The following GRM3 variants were observed in gnomAD, a reference collection of about 807,000 sequenced individuals.
GRM3 encodes glutamate metabotropic receptor 3.
In GRM3, 26 loss-of-function variants were observed where a neutral mutation model predicts 70.5. The observed-to-expected ratio is 0.37, with a 90% CI of 0.27 to 0.51. The LOEUF is 0.51. GRM3 is among the 20% of genes least tolerant of loss of function. The pLI is 0.93. For synonymous variants in GRM3, 443 were observed against 434.9 expected (o/e 1.02, Z -0.23); for missense variants, 859 against 1,123.8 (o/e 0.76, Z 3.37).
intron 5 of GRM3, among the ~76,000 whole-genome samples, chr7:86,852,274 G>C (rs573463871): frequency 1.3e-5 from 2 of 152,082 alleles, no homozygotes; most frequent in South Asian, 4.1e-4. Flanking sequence ...CTTGTTATTA[G>C]AACAATTTAG....
At chr7:86,715,308 T>C (rs1184834376) in intron 1 of GRM3, among the ~76,000 whole-genome samples, 1 of 152,036 alleles carries the variant, frequency 6.6e-6, no homozygotes, top group Non-Finnish European at 1.5e-5. Flanking sequence ...TAGCAGAGAA[T>C]AGTGCAAAGA....
intron 1 of GRM3, among the ~76,000 whole-genome samples, chr7:86,726,151 A>C (rs563639221): frequency 6.6e-6 from 1 of 152,278 alleles, no homozygotes; most frequent in East Asian, 1.9e-4. Context: ...CACTCTTTTT[A>C]CTAATTGCAT....
Position 86,841,938 on chromosome 7 carries a change from T to C in GRM3, c.2391+2033T>C, listed in dbSNP as rs564984166. On this transcript the variant is annotated intron_variant, in intron 4 of 5. Transcript: ENST00000361669. ...TAGAGTTTTTTAAGGTCCGTGATAA[T>C]TAAGGTATCCAGTGATGCTAAGATC... Among the ~76,000 whole-genome samples the C allele has an allele frequency of 5.9e-5, 9 of 152,264 alleles. No individual in the cohort carries two copies. The East Asian group carries it at 9.6e-4, about 16-fold the overall frequency.
At chr7:86,854,724 G>A (rs796881196) in intron 5 of GRM3, among the ~76,000 whole-genome samples, 35 of 152,262 alleles carry the variant, frequency 2.3e-4, no homozygotes, top group African/African-American at 7.0e-4. Context: ...TTCAATAGAA[G>A]TGGTCCAAAG....
At chr7:86,863,567 A>T (rs1798998812) in intron 5 of GRM3, among the ~76,000 whole-genome samples, 1 of 152,182 alleles carries the variant, frequency 6.6e-6, no homozygotes, top group Admixed American at 6.5e-5. Context: ...TGAAGCTCTT[A>T]GCAACCCAGC....
In GRM3 at chr7:86,716,749, C is replaced by A. The variant is rs1396591652; in HGVS notation, c.-140-48257C>A. 3.3e-5 allele frequency among the ~76,000 whole-genome samples: 5 copies of A among 151,556 alleles called. No individual in the cohort carries two copies. The East Asian group carries it at 9.7e-4, about 29-fold the overall frequency. ...ACAGAATTATAAGCCCAATTTGAGG[C>A]TTATAATTTACATAAGATTATAAGA... On this transcript the variant is annotated intron_variant, in intron 1 of 5. Coordinates refer to ENST00000361669, the MANE Select transcript of GRM3 (RefSeq NM_000840.3).
At chr7:86,855,034 C>T (rs901122721) in intron 5 of GRM3, among the ~76,000 whole-genome samples, 1 of 152,182 alleles carries the variant, frequency 6.6e-6, no homozygotes, top group Non-Finnish European at 1.5e-5. Flanking sequence ...GTATAACTCA[C>T]AGACCTTGAA....
intron 2 of GRM3, among the ~76,000 whole-genome samples, chr7:86,767,244 T>C (rs974156960): frequency 1.3e-5 from 2 of 151,782 alleles, no homozygotes; most frequent in Non-Finnish European, 2.9e-5. Flanking sequence ...GATAAATATA[T>C]AGATAGATAC....
intron 1 of GRM3, among the ~76,000 whole-genome samples, chr7:86,696,854 A>C (rs1794830343): frequency 6.6e-6 from 1 of 152,160 alleles, no homozygotes. Flanking sequence ...AGATGAGACA[A>C]CTAAGACCAA....
chr7:86,805,012 G>T (rs911357180), intron 3 of GRM3, among the ~76,000 whole-genome samples: 3 of 152,118 alleles, frequency 2.0e-5, no homozygotes, highest in Non-Finnish European at 2.9e-5. Flanking sequence ...TACCTGGGAG[G>T]TTGAGGTGGG....
intron 3 of GRM3, among the ~76,000 whole-genome samples, chr7:86,836,730 A>G (rs1798464546): frequency 1.3e-5 from 2 of 152,172 alleles, no homozygotes; most frequent in South Asian, 2.1e-4. Context: ...ATTATCACTA[A>G]CACATATGTT....
At position 86,645,080 on chromosome 7, in the gene GRM3, T is replaced by C. The variant is rs1358217598; in HGVS notation, c.-141+208T>C. The C allele has an allele frequency of 3.2e-5, 11 of 347,112 alleles. No individual in the cohort carries two copies. The East Asian group carries it at 6.4e-4, about 20-fold the overall frequency. 21.5% of individuals were successfully genotyped at this position (347,112 alleles called of 1,614,324 possible). On this transcript the variant is annotated intron_variant, in intron 1 of 5. Transcript: ENST00000361669. ...GTTTGTGTGTGTGCGCCCACGTCTG[T>C]GTCTGGGAGGAGGGAGATTTCAGGG...
intron 2 of GRM3, chr7:86,775,310 G>A (rs1796857613): frequency 6.6e-6 from 1 of 152,034 alleles, no homozygotes; most frequent in Non-Finnish European, 1.5e-5. Context: ...AAAAACACAA[G>A]TACTTAGGTA....
At chr7:86,788,816 T>G (rs1244027223) in intron 3 of GRM3, among the ~76,000 whole-genome samples, 2 of 152,238 alleles carry the variant, frequency 1.3e-5, no homozygotes, top group African/African-American at 4.8e-5. Context: ...TATTTATCTT[T>G]ACTCACCACA....
At chr7:86,737,672 G>A (rs1235652661) in intron 1 of GRM3, among the ~76,000 whole-genome samples, 1 of 152,118 alleles carries the variant, frequency 6.6e-6, no homozygotes, top group Non-Finnish European at 1.5e-5. Flanking sequence ...ATTATTGTTT[G>A]CCACACATCC....
intron 3 of GRM3, among the ~76,000 whole-genome samples, chr7:86,805,705 C>A (rs1374814405): frequency 6.6e-6 from 1 of 152,072 alleles, no homozygotes; most frequent in Non-Finnish European, 1.5e-5. Context: ...TTCAAGTTTG[C>A]TTCTTTCAAT....
At chr7:86,684,651 T>C (rs1053575029) in intron 1 of GRM3, among the ~76,000 whole-genome samples, 1 of 152,328 alleles carries the variant, frequency 6.6e-6, no homozygotes, top group South Asian at 2.1e-4. Flanking sequence ...AAGAATATAT[T>C]GTAAAGTGAA....
At position 86,644,730 on chromosome 7, in the gene GRM3, A is replaced by G. The variant is rs1370527198; in HGVS notation, c.-283A>G. 3.4e-6 allele frequency: 4 copies of G among 1,183,330 alleles called. No individual in the cohort carries two copies. In the Admixed American group the frequency reaches 9.2e-5, roughly 27 times the overall value. 73.3% of individuals were successfully genotyped at this position (1,183,330 alleles called of 1,614,324 possible). ...GAGGGCAAAATAAGTTCTCCCTTGG[A>G]TTTGGAAAGGACAAAGCCAGTAAGC... is the stretch of plus-strand genomic sequence containing the variant. On this transcript the variant is annotated 5_prime_UTR_variant, in exon 1 of 6. Coordinates refer to ENST00000361669, the MANE Select transcript of GRM3 (RefSeq NM_000840.3).
At chr7:86,800,206 A>G (rs1797650403) in intron 3 of GRM3, among the ~76,000 whole-genome samples, 1 of 152,216 alleles carries the variant, frequency 6.6e-6, no homozygotes, top group East Asian at 1.9e-4. Context: ...TCTCAAATCA[A>G]CACCCTAACA....
Sources: allele counts gnomAD v4.1 joint callset (sites outside exome capture counted in the v4.1 genomes callset), GRCh38; gene constraint gnomAD v4.1.1; transcripts MANE v1.5; gene names NCBI Gene and HGNC (gene_info 2026-07-23, HGNC 2026-07-21).